Variants in TLN2 observed in about 807,000 individuals in gnomAD.
The protein encoded by TLN2 is talin 2.
Under a neutral mutation model 294.7 loss-of-function variants are expected in TLN2, and 118 were observed. The observed-to-expected ratio is 0.40, with a 90% CI of 0.34 to 0.47. TLN2 has a LOEUF of 0.47. Ranked by LOEUF, TLN2 falls within the 20% of genes least tolerant of loss-of-function variation. TLN2 has a pLI of 0.84. For missense variants in TLN2, 3,083 were observed against 3,282.2 expected (o/e 0.94, Z 1.48); for synonymous variants, 1,431 against 1,304.5 (o/e 1.10, Z -2.09).
chr15:62,827,504 C>T (rs973585777), intron 54 of TLN2, among the ~76,000 whole-genome samples: 4 of 152,104 alleles, frequency 2.6e-5, no homozygotes, highest in Non-Finnish European at 4.4e-5. Context: ...GAAAGGGCAG[C>T]GAAGACTCCA....
At chr15:62,663,436 G>A (rs2054139236) in intron 9 of TLN2, among the ~76,000 whole-genome samples, 1 of 150,808 alleles carries the variant, frequency 6.6e-6, no homozygotes, top group Non-Finnish European at 1.5e-5. Flanking sequence ...ATCCTAATGA[G>A]TGCAATAAGG....
chr15:62,391,697 G>A (rs2032100466), intron 1 of TLN2, among the ~76,000 whole-genome samples: 1 of 152,234 alleles, frequency 6.6e-6, no homozygotes, highest in Admixed American at 6.5e-5. Context: ...TGCTGTCCCC[G>A]CAAGGGCGCG....
rs907972185 is a variant in TLN2, at chr15:62,800,733, T to G, written c.6441T>G (p.Leu2147=). 1 of 1,613,568 alleles carries G rather than the reference T, an allele frequency of 6.2e-7. No homozygotes were observed. The highest frequency in any genetic ancestry group is 1.6e-4 in the Middle Eastern group (1 of 6,062). The change falls in exon 50 of 59, where the codon CTT becomes CTG. Residue 2147 remains leucine (L), a synonymous_variant. Transcript: ENST00000636159. ...AGGCCACCCGGGGCACCAGGGCGCTTGAGGCCACAATTGAATGCATAAAGC... is the reference window on the plus strand; with the variant it reads ...AGGCCACCCGGGGCACCAGGGCGCTGGAGGCCACAATTGAATGCATAAAGC... ...EDEATRGTRA[L]EATIECIKQE...
chr15:62,823,893 C>T, intron 54 of TLN2: 1 of 479,360 alleles, frequency 2.1e-6, no homozygotes, highest in Non-Finnish European at 4.3e-6. Flanking sequence ...GTGACCACCC[C>T]CTGCAGCCGT....
chr15:62,732,239 C>T (rs1160481366), intron 28 of TLN2, among the ~76,000 whole-genome samples: 1 of 152,192 alleles, frequency 6.6e-6, no homozygotes, highest in Non-Finnish European at 1.5e-5. Context: ...GAAAAGACTA[C>T]TTTACATGTT....
At chr15:62,551,513 T>TACACACACAC (rs56986714) in intron 1 of TLN2, among the ~76,000 whole-genome samples, 40 of 147,086 alleles carry the variant, frequency 2.7e-4, no homozygotes, top group African/African-American at 8.3e-4. Flanking sequence ...CTACTAAAAA[T>TACACACACAC]ACACACACAC....
chr15:62,527,774 G>A (rs2040820150), intron 1 of TLN2, among the ~76,000 whole-genome samples: 1 of 152,170 alleles, frequency 6.6e-6, no homozygotes, highest in Non-Finnish European at 1.5e-5. Flanking sequence ...TTTGTCTCAA[G>A]GGGAAAAATG....
chr15:62,646,228 TCTC>T (rs2051820226), intron 3 of TLN2, among the ~76,000 whole-genome samples: 1 of 151,926 alleles, frequency 6.6e-6, no homozygotes, highest in Non-Finnish European at 1.5e-5. Context: ...AGTGGCATGA[TCTC>T]AGCTCACTGC....
intron 1 of TLN2, among the ~76,000 whole-genome samples, chr15:62,499,956 A>G (rs2039221027): frequency 6.6e-6 from 1 of 152,082 alleles, no homozygotes; most frequent in African/African-American, 2.4e-5. Flanking sequence ...AAACAAACAA[A>G]AAAAACAGTC....
At chr15:62,474,625 A>AG (rs2037682848) in intron 1 of TLN2, among the ~76,000 whole-genome samples, 1 of 152,158 alleles carries the variant, frequency 6.6e-6, no homozygotes, top group South Asian at 2.1e-4. Context: ...AGGACGGGAG[A>AG]GTGAGACCCT....
At chr15:62,615,058 G>A (rs7171798) in intron 2 of TLN2, among the ~76,000 whole-genome samples, 3,330 of 151,490 alleles carry the variant, frequency 0.022, 133 homozygotes, top group African/African-American at 0.077. Context: ...CGCCTGCCTC[G>A]GCTTCCCAAA....
At chr15:62,714,569 C>T (rs1224605915) in intron 22 of TLN2, among the ~76,000 whole-genome samples, 1 of 151,888 alleles carries the variant, frequency 6.6e-6, no homozygotes, top group Non-Finnish European at 1.5e-5. Flanking sequence ...ACCAGAAACT[C>T]GTTTCTTCTA....
At chr15:62,616,800 T>C (rs1438797724) in intron 2 of TLN2, among the ~76,000 whole-genome samples, 1 of 152,248 alleles carries the variant, frequency 6.6e-6, no homozygotes, top group African/African-American at 2.4e-5. Context: ...AAAAGTGTTT[T>C]TGCTACTGCT....
chr15:62,730,707 A>G (rs1051163406), intron 28 of TLN2, among the ~76,000 whole-genome samples: 1 of 152,076 alleles, frequency 6.6e-6, no homozygotes, highest in Admixed American at 6.6e-5. Flanking sequence ...TTCTGTTGTG[A>G]AGCTATGAAG....
chr15:62,712,100 A>G (rs2059463435), intron 22 of TLN2, 23 bp downstream of exon 22: 5 of 1,610,080 alleles, frequency 3.1e-6, no homozygotes, highest in Non-Finnish European at 4.2e-6. Context: ...ATTTGTTTGT[A>G]TGAAAAGTGA....
chr15:62,808,056 C>G (rs575921886), intron 51 of TLN2, among the ~76,000 whole-genome samples: 2 of 152,236 alleles, frequency 1.3e-5, no homozygotes, highest in African/African-American at 4.8e-5. Context: ...TCGCCCTAGT[C>G]CAGCTCTGCC....
At chr15:62,405,246 G>A (rs545520599) in intron 1 of TLN2, among the ~76,000 whole-genome samples, 5 of 152,246 alleles carry the variant, frequency 3.3e-5, no homozygotes, top group African/African-American at 9.6e-5. Context: ...TGCTAGTTCC[G>A]AAACCCCACC....
intron 54 of TLN2, chr15:62,830,050 A>G (rs191038555): frequency 6.7e-6 from 1 of 149,280 alleles, no homozygotes; most frequent in Admixed American, 6.6e-5. Flanking sequence ...CTTTAGCTTG[A>G]TGCCAGTAGT....
At position 62,736,965 on chromosome 15, in the gene TLN2, C is replaced by T; in HGVS notation, c.3446C>T (p.Ala1149Val). ...GCTGCATCGACAACCGACCCCGCGGCCGCCCATGCCATGTTAGATTCTGCT... is the reference window on the plus strand; with the variant it reads ...GCTGCATCGACAACCGACCCCGCGGTCGCCCATGCCATGTTAGATTCTGCT... Reference protein sequence around the residue: ...GVAASTTDPAAAHAMLDSARD... With the variant: ...GVAASTTDPAVAHAMLDSARD... Residue 1149 changes from alanine to valine, a missense_variant, in exon 29 of 59, where the codon GCC becomes GTC. By Grantham distance (64) the Ala-to-Val change is moderately conservative. Coordinates refer to ENST00000636159, the MANE Select transcript of TLN2 (RefSeq NM_015059.3). 6.2e-7 allele frequency: 1 copy of T among 1,614,228 alleles called. No individual in the cohort carries two copies. Among genetic ancestry groups the T allele is most frequent in the Non-Finnish European group, 8.5e-7 (1 of 1,180,042 alleles).
Sources: allele counts gnomAD v4.1 joint callset (sites outside exome capture counted in the v4.1 genomes callset), GRCh38; gene constraint gnomAD v4.1.1; transcripts MANE v1.5; gene names NCBI Gene and HGNC (gene_info 2026-07-23, HGNC 2026-07-21).